OCA2: variants seen among roughly 807,000 people sequenced by gnomAD.
OCA2 encodes OCA2 melanosomal transmembrane protein, also known as P protein.
OCA2 carries 77 observed loss-of-function variants against 100.2 expected under a neutral mutation model. The ratio of observed to expected loss-of-function variants is 0.77; its 90% confidence interval spans 0.64 to 0.93. The LOEUF is 0.93. OCA2 is among the 40% of genes least tolerant of loss of function. The probability of loss-of-function intolerance (pLI) is 0.00; values close to 1 mark genes in which losing one functional copy is unlikely to be tolerated. For synonymous variants in OCA2, 432 were observed against 439.2 expected (o/e 0.98, Z 0.21); for missense variants, 1,062 against 1,089.1 (o/e 0.98, Z 0.35).
rs80344558 is a variant in OCA2 at position 27,776,138 on chromosome 15, C to T, written c.2433-20666G>A. On this transcript the variant is annotated intron_variant, in intron 23 of 23. Transcript: ENST00000354638. ...GAAATCCTAGAATTTCTGTTGCTAT[C>T]GGTATGTCCGATCTTTCTCCATTTT... Among the ~76,000 whole-genome samples the T allele has an allele frequency of 7.4e-3, 1,134 of 152,310 alleles. 22 individuals are homozygous for T. The highest frequency in any genetic ancestry group is 0.026 in the African/African-American group (1,079 of 41,572).
At chr15:27,953,589 G>T (rs1436174496) in intron 17 of OCA2, among the ~76,000 whole-genome samples, 2 of 152,224 alleles carry the variant, frequency 1.3e-5, no homozygotes, top group African/African-American at 4.8e-5. Flanking sequence ...ACCACAGAAA[G>T]TGGCTATTGC....
At chr15:27,936,834 C>T (rs138926303) in intron 18 of OCA2, among the ~76,000 whole-genome samples, 188 of 152,314 alleles carry the variant, frequency 1.2e-3, no homozygotes, top group African/African-American at 4.4e-3. Flanking sequence ...CACCTGGAAG[C>T]TTCTGCGTGG....
In OCA2 at chr15:27,978,829, G is replaced by A. The variant is rs918793484; in HGVS notation, c.1503+4516C>T. Among the ~76,000 whole-genome samples, 9 of 151,996 alleles carry A rather than the reference G, an allele frequency of 5.9e-5. No homozygotes were observed. In the South Asian group the frequency reaches 6.2e-4, roughly 11 times the overall value. The stretch of plus-strand genomic sequence containing the variant: ...GTCTCCCAAGTAGCTAGGATTCCAC[G>A]TGCCTGCCACCATGCCCGGCTAATA... On this transcript the variant is annotated intron_variant, in intron 14 of 23. Coordinates refer to ENST00000354638, the MANE Select transcript of OCA2 (RefSeq NM_000275.3).
intron 3 of OCA2, among the ~76,000 whole-genome samples, chr15:28,028,877 G>C (rs1196821294): frequency 6.6e-6 from 1 of 152,008 alleles, no homozygotes; most frequent in Non-Finnish European, 1.5e-5. Context: ...GTAGAGATGG[G>C]GTTTCATCAT....
At chr15:27,788,720 T>A (rs2151117679) in intron 23 of OCA2, among the ~76,000 whole-genome samples, 1 of 152,238 alleles carries the variant, frequency 6.6e-6, no homozygotes, top group South Asian at 2.1e-4. Flanking sequence ...AATGTAATTG[T>A]TTATGTGGTT....
chr15:27,854,802 C>T (rs28675123), intron 21 of OCA2, among the ~76,000 whole-genome samples: 17,149 of 152,152 alleles, frequency 0.11, 2,304 homozygotes, highest in African/African-American at 0.32. Context: ...GCTGTTGGTG[C>T]AAAGCCAGCC....
At chr15:27,854,136 C>A (rs955577825) in intron 21 of OCA2, among the ~76,000 whole-genome samples, 2 of 152,190 alleles carry the variant, frequency 1.3e-5, no homozygotes, top group African/African-American at 4.8e-5. Flanking sequence ...TTCCTTTGAC[C>A]GATAGAATGT....
chr15:27,959,030 C>T (rs2040324573), intron 15 of OCA2, among the ~76,000 whole-genome samples: 1 of 152,152 alleles, frequency 6.6e-6, no homozygotes, highest in Admixed American at 6.5e-5. Context: ...GGCAGACCTA[C>T]TGCAACAACA....
chr15:27,719,657 A>G, the OCA2 span, among the ~76,000 whole-genome samples: 3 of 152,172 alleles, frequency 2.0e-5, no homozygotes, highest in African/African-American at 7.2e-5. Context: ...CTTGGTATTT[A>G]CTCAAACGGA....
In OCA2 at chr15:27,985,073, A is replaced by T. The variant is rs2041303370; in HGVS notation, c.1355T>A (p.Val452Glu). The change falls in exon 13 of 24, where the codon GTG (valine) becomes GAG (glutamate). Residue 452 changes from valine (V) to glutamate (E), a missense_variant. Transcript: ENST00000354638. ...GAGGTGCTTTGCGTACCTTATGGTCACAGGCGTGAAGAGGAGCATGGTGGT... is the reference window on the plus strand; with the variant it reads ...GAGGTGCTTTGCGTACCTTATGGTCTCAGGCGTGAAGAGGAGCATGGTGGT... ...NVTTMLLFTP[V>E]TIRLCEVLNL... 6.2e-7 allele frequency: 1 copy of T among 1,613,828 alleles called. No homozygotes were observed. Among genetic ancestry groups the T allele is most frequent in the Admixed American group, 1.7e-5 (1 of 59,998 alleles).
At chr15:27,730,740 TATATATATATA>T in the OCA2 span, among the ~76,000 whole-genome samples, 141 of 19,606 alleles carry the variant, frequency 7.2e-3, 2 homozygotes, top group African/African-American at 0.024. Flanking sequence ...CAAATATATA[TATATATATATA>T]TATATATATA....
chr15:27,962,940 G>C (rs912360488), intron 15 of OCA2, among the ~76,000 whole-genome samples: 2 of 152,134 alleles, frequency 1.3e-5, no homozygotes, highest in African/African-American at 4.8e-5. Context: ...TAAAAAGATG[G>C]AAAAAGATAC....
chr15:27,746,802 C>T, the OCA2 span, among the ~76,000 whole-genome samples: 1 of 152,212 alleles, frequency 6.6e-6, no homozygotes, highest in Non-Finnish European at 1.5e-5. Flanking sequence ...CCCCTCTCTC[C>T]CACATCCCCA....
intron 19 of OCA2, among the ~76,000 whole-genome samples, chr15:27,881,702 G>A (rs1160865919): frequency 6.6e-6 from 1 of 152,036 alleles, no homozygotes; most frequent in South Asian, 2.1e-4. Context: ...ATTTCTGTGG[G>A]GTCAGTGGTG....
At chr15:28,078,143 G>T (rs898832229) in intron 2 of OCA2, among the ~76,000 whole-genome samples, 6 of 152,248 alleles carry the variant, frequency 3.9e-5, no homozygotes, top group Admixed American at 2.0e-4. Context: ...CTAGGGAAAA[G>T]AGTTATTTGC....
chr15:27,769,052 G>A (rs1431691780), intron 23 of OCA2, among the ~76,000 whole-genome samples: 1 of 152,154 alleles, frequency 6.6e-6, no homozygotes, highest in African/African-American at 2.4e-5. Flanking sequence ...CGGGTTCACC[G>A]GGAGCCTCCA....
chr15:28,053,473 A>T (rs17652274), intron 2 of OCA2, among the ~76,000 whole-genome samples: 14,028 of 152,128 alleles, frequency 0.092, 831 homozygotes, highest in African/African-American at 0.16. Flanking sequence ...CCTCAAAGTG[A>T]CCCTGGCTGA....
At chr15:27,881,363 T>C (rs140022041) in intron 19 of OCA2, among the ~76,000 whole-genome samples, 2,506 of 152,332 alleles carry the variant, frequency 0.016, 68 homozygotes, top group African/African-American at 0.057. Flanking sequence ...GGTATCAGGA[T>C]GATGCTGGCC....
chr15:27,886,918 C>T (rs1004572850), intron 19 of OCA2, among the ~76,000 whole-genome samples: 2 of 152,162 alleles, frequency 1.3e-5, no homozygotes, highest in African/African-American at 4.8e-5. Context: ...TGTGTCCCCA[C>T]CCAAATCTCA....
Sources: gnomAD v4.1 joint callset for allele counts (sites outside exome capture counted in the v4.1 genomes callset) on GRCh38, gnomAD v4.1.1 for gene constraint, MANE v1.5 for transcripts, NCBI Gene and HGNC (gene_info 2026-07-23, HGNC 2026-07-21) for gene names.